The following ADAMTS5 variants were observed in gnomAD, a reference collection of about 807,000 sequenced individuals.
The protein encoded by ADAMTS5 is ADAM metallopeptidase with thrombospondin type 1 motif 5.
A neutral mutation model predicts 81.4 loss-of-function variants in ADAMTS5; 54 were observed. The ratio of observed to expected loss-of-function variants is 0.66; its 90% confidence interval spans 0.53 to 0.83. The LOEUF (loss-of-function observed/expected upper bound fraction) is 0.83, where lower values mean the gene tolerates loss of function less well. ADAMTS5 is among the 40% of genes least tolerant of loss of function. The probability of loss-of-function intolerance (pLI) is 0.00; values close to 1 mark genes in which losing one functional copy is unlikely to be tolerated. For synonymous variants in ADAMTS5, 532 were observed against 508.8 expected (o/e 1.05, Z -0.61); for missense variants, 1,194 against 1,229.9 (o/e 0.97, Z 0.44).
In ADAMTS5 at chr21:26,966,526, G is replaced by C. The variant is rs1352153840; in HGVS notation, c.-135C>G. On this transcript the variant is annotated 5_prime_UTR_variant, in exon 1 of 8. Transcript: ENST00000284987. ...GGATTGAGTCAAGTGTCGGAGGGAGGGGGGCCCGGCAGCAGCGCCAGCCTG... is the reference window on the plus strand; with the variant it reads ...GGATTGAGTCAAGTGTCGGAGGGAGCGGGGCCCGGCAGCAGCGCCAGCCTG... 1.3e-5 allele frequency: 12 copies of C among 892,382 alleles called. No homozygotes were observed. Among genetic ancestry groups the C allele is most frequent in the East Asian group, 6.7e-5 (2 of 29,930 alleles). The allele number at this position is 892,382 out of a possible 1,614,324, so 55.3% of individuals were successfully genotyped here.
Position 26,943,482 on chromosome 21 carries a change from C to T in ADAMTS5, c.1303G>A (p.Asp435Asn). The T allele has an allele frequency of 6.2e-7, 1 of 1,613,750 alleles. No individual in the cohort carries two copies. Among genetic ancestry groups the T allele is most frequent in the Non-Finnish European group, 8.5e-7 (1 of 1,179,776 alleles). Residue 435 changes from aspartate to asparagine, a missense_variant, in exon 3 of 8, where the codon GAT becomes AAT. Coordinates refer to ENST00000284987, the MANE Select transcript of ADAMTS5 (RefSeq NM_007038.5). ...FCEETFGSTE[D>N]KRLMSSILTS... ...AGGATGGAAGACATTAAGCGCTTAT[C>T]TTCTGTGGAACCAAAGGTCTCTTCA...
Position 26,942,221 on chromosome 21 carries a change from TAA to T in ADAMTS5, c.1405+1157_1405+1158del, listed in dbSNP as rs1175170552. ...AGAGAACTGTGCAGCTGAATTTCTTTAAGTCTGAAATAATTTGAATTTGTCCA... is the reference window on the plus strand; with the variant it reads ...AGAGAACTGTGCAGCTGAATTTCTTTGTCTGAAATAATTTGAATTTGTCCA... On this transcript the variant is annotated intron_variant, in intron 3 of 7. Coordinates refer to ENST00000284987, the MANE Select transcript of ADAMTS5 (RefSeq NM_007038.5). Among the ~76,000 whole-genome samples, 3 of 152,116 alleles carry T rather than the reference TAA, an allele frequency of 2.0e-5. No individual in the cohort carries two copies. In the East Asian group the frequency reaches 5.8e-4, roughly 29 times the overall value.
chr21:26,926,727 A>G (rs229086), intron 7 of ADAMTS5, among the ~76,000 whole-genome samples: 89,391 of 151,092 alleles, frequency 0.59, 26,799 homozygotes, highest in Non-Finnish European at 0.63. Flanking sequence ...TTTTCACTAT[A>G]TCCCCAGGCA....
At chr21:26,962,335 T>C (rs1227668705) in intron 1 of ADAMTS5, among the ~76,000 whole-genome samples, 2 of 152,176 alleles carry the variant, frequency 1.3e-5, no homozygotes, top group African/African-American at 4.8e-5. Flanking sequence ...ATTTCTACTG[T>C]TTGATGGCAG....
At chr21:26,929,516 A>C (rs534569125) in intron 7 of ADAMTS5, among the ~76,000 whole-genome samples, 3 of 152,324 alleles carry the variant, frequency 2.0e-5, no homozygotes, top group African/African-American at 7.2e-5. Flanking sequence ...TGTTTTTAAA[A>C]ATATAGTTAA....
intron 5 of ADAMTS5, among the ~76,000 whole-genome samples, 169 bp downstream of exon 5, chr21:26,932,692 C>T (rs1986933685): frequency 7.0e-6 from 1 of 141,864 alleles, no homozygotes; most frequent in Non-Finnish European, 1.6e-5. Flanking sequence ...CAGTGTGAGA[C>T]TCCATCTCAA....
rs1600995066 is a variant in ADAMTS5, at chr21:26,922,131, G to A, written c.*1922C>T. On this transcript the variant is annotated 3_prime_UTR_variant, in exon 8 of 8. Transcript: ENST00000284987. ...CATTGGGTGATCTCCATCACATATAGGTTATCAGCCTTGTACAGGCCTCAT... is the reference window on the plus strand; with the variant it reads ...CATTGGGTGATCTCCATCACATATAAGTTATCAGCCTTGTACAGGCCTCAT... 1 of 151,866 alleles carries A rather than the reference G, an allele frequency of 6.6e-6. No homozygotes were observed. The highest frequency in any genetic ancestry group is 2.4e-5 in the African/African-American group (1 of 41,382). 9.4% of individuals were successfully genotyped at this position (151,866 alleles called of 1,614,324 possible).
At chr21:26,937,630 A>C (rs1021310249) in intron 3 of ADAMTS5, among the ~76,000 whole-genome samples, 2 of 152,258 alleles carry the variant, frequency 1.3e-5, no homozygotes, top group Non-Finnish European at 2.9e-5. Context: ...TAAAATGTTT[A>C]AAATCTAAGT....
At chr21:26,952,997 T>C (rs1987351340) in intron 2 of ADAMTS5, among the ~76,000 whole-genome samples, 1 of 152,256 alleles carries the variant, frequency 6.6e-6, no homozygotes, top group African/African-American at 2.4e-5. Context: ...AGATACGTAA[T>C]AAATATTGAT....
At chr21:26,950,807 C>G (rs1430408957) in intron 2 of ADAMTS5, among the ~76,000 whole-genome samples, 2 of 152,138 alleles carry the variant, frequency 1.3e-5, no homozygotes, top group Non-Finnish European at 2.9e-5. Flanking sequence ...GAAATGGTGT[C>G]AGATAGAGAC....
intron 7 of ADAMTS5, among the ~76,000 whole-genome samples, chr21:26,929,083 GT>G (rs1381140130): frequency 6.6e-6 from 1 of 152,068 alleles, no homozygotes; most frequent in Non-Finnish European, 1.5e-5. Context: ...AAAATTTATA[GT>G]TTTTTACATT....
At position 26,922,909 on chromosome 21, in the gene ADAMTS5, A is replaced by G. The variant is rs886952287; in HGVS notation, c.*1144T>C. 2 of 152,624 alleles carry G rather than the reference A, an allele frequency of 1.3e-5. No homozygotes were observed. Among genetic ancestry groups the G allele is most frequent in the African/African-American group, 4.8e-5 (2 of 41,470 alleles). The allele number at this position is 152,624 out of a possible 1,614,324, so 9.5% of individuals were successfully genotyped here. ...CATTAACAATGATAACCACTTCTCA[A>G]TGTGGCTAACTACCAAGTGATCTTT... On this transcript the variant is annotated 3_prime_UTR_variant, in exon 8 of 8. Transcript: ENST00000284987.
chr21:26,955,275 G>A (rs1987403299), intron 1 of ADAMTS5, among the ~76,000 whole-genome samples: 1 of 152,000 alleles, frequency 6.6e-6, no homozygotes, highest in South Asian at 2.1e-4. Context: ...CTATTACAGG[G>A]GCAAACTGCA....
chr21:26,936,540 A>C (rs1388068793), intron 3 of ADAMTS5, among the ~76,000 whole-genome samples: 1 of 152,206 alleles, frequency 6.6e-6, no homozygotes, highest in Non-Finnish European at 1.5e-5. Flanking sequence ...TAAGGACTAC[A>C]TTCAAATTTC....
At position 26,919,862 on chromosome 21, in the gene ADAMTS5, C is replaced by T. The variant is rs1158852923; in HGVS notation, c.*4191G>A. On this transcript the variant is annotated 3_prime_UTR_variant, in exon 8 of 8. Coordinates refer to ENST00000284987, the MANE Select transcript of ADAMTS5 (RefSeq NM_007038.5). ...CAAATGAGAAAAATAATAGGGAAAA[C>T]ATACAAGTTCCTTTTCTGTGTGTCT... The T allele has an allele frequency of 1.3e-5, 2 of 151,968 alleles. No homozygotes were observed. The highest frequency in any genetic ancestry group is 4.8e-5 in the African/African-American group (2 of 41,402). 9.4% of individuals were successfully genotyped at this position (151,968 alleles called of 1,614,324 possible).
In ADAMTS5 at chr21:26,943,562, A is replaced by G. The variant is rs750311839; in HGVS notation, c.1238-15T>C. 239 of 1,605,442 alleles carry G rather than the reference A, an allele frequency of 1.5e-4. No homozygotes were observed. The highest frequency in any genetic ancestry group is 1.9e-4 in the Non-Finnish European group (218 of 1,175,224). On this transcript the variant is annotated splice_polypyrimidine_tract_variant and intron_variant, in intron 2 of 7. Transcript: ENST00000284987. Reference sequence around the variant, plus strand: ...AAGTAAATGTCCTAAGGGAGACAACAGAGGAAGTACAAATAATCCGTGATT... The same window carrying G: ...AAGTAAATGTCCTAAGGGAGACAACGGAGGAAGTACAAATAATCCGTGATT...
In ADAMTS5 at chr21:26,933,034, T is replaced by C. The variant is rs746873295; in HGVS notation, c.1700A>G (p.His567Arg). 1.9e-6 allele frequency: 3 copies of C among 1,612,662 alleles called. No homozygotes were observed. Among genetic ancestry groups the C allele is most frequent in the South Asian group, 1.1e-5 (1 of 90,640 alleles). The change falls in exon 5 of 8, where the codon CAT (histidine) becomes CGT (arginine). Residue 567 changes from histidine (H) to arginine (R), a missense_variant. By Grantham distance (29) the His-to-Arg change is conservative. This residue lies in a region of ADAMTS5 where 696 missense variants were observed against 817.6 expected (regional missense o/e 0.85). Transcript: ENST00000284987. ...TKKKYYSTSS[H>R]GNWGSWGSWG... ...GGATCCCCAAGATCCCCAGTTGCCA[T>C]GGCTTGACGTCTGAAATAGAGAATA...
intron 3 of ADAMTS5, 98 bp downstream of exon 3, chr21:26,943,282 T>C (rs1040892638): frequency 1.6e-6 from 2 of 1,217,858 alleles, no homozygotes; most frequent in Non-Finnish European, 2.3e-6. Flanking sequence ...ACTATTGTCT[T>C]AGAGGGCAAG....
chr21:26,923,945 T>C lies in ADAMTS5; in HGVS notation c.*108A>G. On this transcript the variant is annotated 3_prime_UTR_variant, in exon 8 of 8. Coordinates refer to ENST00000284987, the MANE Select transcript of ADAMTS5 (RefSeq NM_007038.5). Reference sequence around the variant, plus strand: ...CCCATAATTGGACTCCTGTTGACAATGTCACTGAAGCATGACTTTCTGTGC... The same window carrying C: ...CCCATAATTGGACTCCTGTTGACAACGTCACTGAAGCATGACTTTCTGTGC... 4 of 1,187,386 alleles carry C rather than the reference T, an allele frequency of 3.4e-6. No homozygotes were observed. The Middle Eastern group carries it at 6.2e-4, about 183-fold the overall frequency. The allele number at this position is 1,187,386 out of a possible 1,614,324, so 73.6% of individuals were successfully genotyped here. A position where few individuals can be genotyped will look rare whatever the true frequency, so the allele number is the denominator to read the frequency against.
Sources: gnomAD v4.1 joint callset for allele counts (sites outside exome capture counted in the v4.1 genomes callset) on GRCh38, gnomAD v4.1.1 for gene constraint, gnomAD v4.1.1 regional missense constraint, MANE v1.5 for transcripts, NCBI Gene and HGNC (gene_info 2026-07-23, HGNC 2026-07-21) for gene names.